ELP4: variants seen among roughly 807,000 people sequenced by gnomAD.
ELP4 encodes the protein elongator complex protein 4.
ELP4 carries 51 observed loss-of-function variants against 48.9 expected under a neutral mutation model. The ratio of observed to expected loss-of-function variants is 1.04; its 90% confidence interval spans 0.83 to 1.32. The LOEUF is 1.32. Among genes scored for constraint, ELP4 ranks in the 40% most tolerant of loss-of-function variants. ELP4 has a pLI of 0.00. For missense variants in ELP4, 519 were observed against 514.6 expected (o/e 1.01, Z -0.08); for synonymous variants, 210 against 189.2 (o/e 1.11, Z -0.90).
chr11:31,626,925 G>A (rs866647853), intron 5 of ELP4, among the ~76,000 whole-genome samples, 185 bp from the exon 6 acceptor site: 8 of 151,784 alleles, frequency 5.3e-5, no homozygotes, highest in South Asian at 4.2e-4. Context: ...TTATAATAAG[G>A]CATTGTAACT....
At chr11:31,544,047 G>C (rs576454073) in intron 3 of ELP4, among the ~76,000 whole-genome samples, 2 of 152,314 alleles carry the variant, frequency 1.3e-5, no homozygotes. Flanking sequence ...GAACAGCTCC[G>C]GTCTACAGCT....
chr11:31,784,739 A>G lies in ELP4; in HGVS notation c.*1215A>G, dbSNP rs927098126. The G allele has an allele frequency of 1.8e-5, 3 of 166,132 alleles. No homozygotes were observed. The highest frequency in any genetic ancestry group is 6.4e-5 in the Admixed American group (1 of 15,572). 10.3% of individuals were successfully genotyped at this position (166,132 alleles called of 1,614,324 possible). ...AAGACTAGGTTTTTAAAACTGTCTAACCAATATGATGAATGTCAGTCACTT... is the reference window on the plus strand; with the variant it reads ...AAGACTAGGTTTTTAAAACTGTCTAGCCAATATGATGAATGTCAGTCACTT... On this transcript the variant is annotated 3_prime_UTR_variant, in exon 10 of 10. Transcript: ENST00000640961.
chr11:31,543,858 A>G (rs1373932110), intron 3 of ELP4, among the ~76,000 whole-genome samples: 1 of 152,234 alleles, frequency 6.6e-6, no homozygotes, highest in Non-Finnish European at 1.5e-5. Context: ...CAAAGATTTT[A>G]CAATTTAAAA....
At chr11:31,650,081 T>A in intron 8 of ELP4, 34 bp from the exon 9 acceptor site, 1 of 888,950 alleles carries the variant, frequency 1.1e-6, no homozygotes, top group Non-Finnish European at 1.9e-6. Context: ...GACAATGTTT[T>A]AAATTTTTTT....
intron 9 of ELP4, among the ~76,000 whole-genome samples, chr11:31,691,726 A>G (rs953174972): frequency 6.6e-6 from 1 of 152,128 alleles, no homozygotes; most frequent in Middle Eastern, 3.2e-3. Context: ...CTGATTTCTG[A>G]ATTTAAAACA....
chr11:31,666,243 A>G (rs909173654), intron 9 of ELP4, among the ~76,000 whole-genome samples: 8 of 151,974 alleles, frequency 5.3e-5, no homozygotes, highest in Non-Finnish European at 1.0e-4. Flanking sequence ...TCCTGACCTC[A>G]GGTGATCCTC....
intron 3 of ELP4, among the ~76,000 whole-genome samples, chr11:31,549,683 T>G (rs371505739): frequency 2.8e-4 from 43 of 152,168 alleles, no homozygotes; most frequent in Admixed American, 2.4e-3. Flanking sequence ...AAGACACATG[T>G]ACACGTATGT....
chr11:31,751,020 A>T (rs1947707689), intron 9 of ELP4, among the ~76,000 whole-genome samples: 1 of 152,370 alleles, frequency 6.6e-6, no homozygotes, highest in South Asian at 2.1e-4. Context: ...CATATAGACT[A>T]TAAAATGTTA....
chr11:31,778,362 T>G (rs1486801501), intron 9 of ELP4, among the ~76,000 whole-genome samples: 1 of 152,208 alleles, frequency 6.6e-6, no homozygotes, highest in Non-Finnish European at 1.5e-5. Context: ...TAGAGAGTAA[T>G]TATACTAAAT....
chr11:31,771,787 G>A (rs1948148354), intron 9 of ELP4, among the ~76,000 whole-genome samples: 1 of 152,136 alleles, frequency 6.6e-6, no homozygotes, highest in African/African-American at 2.4e-5. Context: ...AGACCATCCT[G>A]GCTAACACAG....
rs1007430189 is a variant in ELP4, at chr11:31,714,911, C to T, written c.1143+64690C>T. The T allele has an allele frequency of 3.0e-5, 12 of 397,568 alleles. No individual in the cohort carries two copies. In the Admixed American group the frequency reaches 3.5e-4, roughly 12 times the overall value. The allele number at this position is 397,568 out of a possible 1,614,324, so 24.6% of individuals were successfully genotyped here. A position where few individuals can be genotyped will look rare whatever the true frequency, so the allele number is the denominator to read the frequency against. The stretch of plus-strand genomic sequence containing the variant: ...TCCTATTTTAAGGTCGACCAATCAG[C>T]AACCTTAATTCAATCTTTCACCTTA... On this transcript the variant is annotated intron_variant, in intron 9 of 9. Transcript: ENST00000640961.
chr11:31,736,002 G>C (rs1197961901), intron 9 of ELP4, among the ~76,000 whole-genome samples: 1 of 152,108 alleles, frequency 6.6e-6, no homozygotes, highest in Non-Finnish European at 1.5e-5. Context: ...AACCAAAAAA[G>C]AGCCCGCATT....
intron 9 of ELP4, among the ~76,000 whole-genome samples, chr11:31,774,251 T>A (rs1473692676): frequency 6.6e-6 from 1 of 152,242 alleles, no homozygotes; most frequent in Non-Finnish European, 1.5e-5. Context: ...AGTAGCTGCC[T>A]TGAAGCCATC....
intron 6 of ELP4, among the ~76,000 whole-genome samples, chr11:31,629,037 C>T (rs1944806218): frequency 6.6e-6 from 1 of 151,828 alleles, no homozygotes; most frequent in African/African-American, 2.4e-5. Context: ...TAGAAATAGA[C>T]TCTAAGGAAC....
chr11:31,552,895 A>G (rs1956875207), intron 3 of ELP4, among the ~76,000 whole-genome samples: 1 of 152,130 alleles, frequency 6.6e-6, no homozygotes, highest in South Asian at 2.1e-4. Context: ...TATTCTGTTT[A>G]TATGAACTGC....
At chr11:31,571,709 G>A (rs1957195976) in intron 3 of ELP4, among the ~76,000 whole-genome samples, 1 of 152,164 alleles carries the variant, frequency 6.6e-6, no homozygotes, top group South Asian at 2.1e-4. Flanking sequence ...TGGATGTTGT[G>A]TTAGCAGGCA....
At chr11:31,570,264 A>G (rs1304905229) in intron 3 of ELP4, among the ~76,000 whole-genome samples, 2 of 152,128 alleles carry the variant, frequency 1.3e-5, no homozygotes, top group South Asian at 2.1e-4. Context: ...CAGAAAACCA[A>G]ATACCATATG....
At chr11:31,775,248 C>A (rs1948221150) in intron 9 of ELP4, among the ~76,000 whole-genome samples, 1 of 152,198 alleles carries the variant, frequency 6.6e-6, no homozygotes, top group South Asian at 2.1e-4. Context: ...GGCTCCACTC[C>A]AGAACATGAA....
intron 2 of ELP4, among the ~76,000 whole-genome samples, chr11:31,535,396 G>A (rs752935076): frequency 3.9e-5 from 6 of 152,048 alleles, no homozygotes; most frequent in African/African-American, 9.7e-5. Flanking sequence ...AGGCTGGAGC[G>A]CAGTGGTACA....
Sources: allele counts gnomAD v4.1 joint callset (sites outside exome capture counted in the v4.1 genomes callset), GRCh38; gene constraint gnomAD v4.1.1; transcripts MANE v1.5; gene names NCBI Gene and HGNC (gene_info 2026-07-23, HGNC 2026-07-21).